The following PTBP3 variants were observed in gnomAD, a reference collection of about 807,000 sequenced individuals.
PTBP3 encodes the protein polypyrimidine tract-binding protein 3.
Under a neutral mutation model 58.7 loss-of-function variants are expected in PTBP3, and 20 were observed. The observed-to-expected ratio is 0.34, with a 90% confidence interval of 0.24 to 0.50. PTBP3 has a LOEUF of 0.50. Among genes scored for constraint, PTBP3 ranks in the 20% least tolerant of loss-of-function variants. The probability of loss-of-function intolerance (pLI) is 0.98; values close to 1 mark genes in which losing one functional copy is unlikely to be tolerated. For synonymous variants in PTBP3, 185 were observed against 219.8 expected (o/e 0.84, Z 1.40); for missense variants, 509 against 637.2 (o/e 0.80, Z 2.17).
intron 3 of PTBP3, among the ~76,000 whole-genome samples, chr9:112,270,544 A>G (rs1034366192): frequency 7.1e-6 from 1 of 141,492 alleles, no homozygotes; most frequent in African/African-American, 3.0e-5. Context: ...GTTTCCCAAG[A>G]TAAGAATCAT....
chr9:112,243,243 A>G (rs1835734202), intron 7 of PTBP3, among the ~76,000 whole-genome samples: 1 of 152,150 alleles, frequency 6.6e-6, no homozygotes, highest in Non-Finnish European at 1.5e-5. Context: ...AAAAAGAATT[A>G]AAGTCCCAGG....
At chr9:112,277,946 T>TAACATAAC (rs1564427648) in intron 2 of PTBP3, among the ~76,000 whole-genome samples, 12 of 58,170 alleles carry the variant, frequency 2.1e-4, no homozygotes, top group East Asian at 4.3e-4. Context: ...CATAACATAA[T>TAACATAAC]ATAACATAAC....
In PTBP3 at chr9:112,278,209, T is replaced by C. The variant is rs758171825; in HGVS notation, c.35-2196A>G. Among the ~76,000 whole-genome samples, 3 of 152,152 alleles carry C rather than the reference T, an allele frequency of 2.0e-5. No homozygotes were observed. The East Asian group carries it at 5.8e-4, about 29-fold the overall frequency. ...TACTCCTAGAAAAAGGTAAGTGACT[T>C]GACACTGACAATGTAAATTTACAAA... On this transcript the variant is annotated intron_variant, in intron 2 of 13. Coordinates refer to ENST00000374257, the MANE Select transcript of PTBP3 (RefSeq NM_001163788.4).
In PTBP3 at chr9:112,222,252, T is replaced by C. The variant is rs1458451907; in HGVS notation, c.*1599A>G. Reference sequence around the variant, plus strand: ...GAAGAAATAATAGCAAAGTTTCTTATTAAAAAGAAACAATTTTACATTATA... The same window carrying C: ...GAAGAAATAATAGCAAAGTTTCTTACTAAAAAGAAACAATTTTACATTATA... On this transcript the variant is annotated 3_prime_UTR_variant, in exon 14 of 14. Transcript: ENST00000374257. 5.1e-6 allele frequency: 5 copies of C among 974,914 alleles called. No individual in the cohort carries two copies. The African/African-American group carries it at 7.0e-5, about 14-fold the overall frequency. 60.4% of individuals were successfully genotyped at this position (974,914 alleles called of 1,614,324 possible). A position where few individuals can be genotyped will look rare whatever the true frequency, so the allele number is the denominator to read the frequency against.
At chr9:112,240,501 TA>T (rs1265459714) in intron 7 of PTBP3, among the ~76,000 whole-genome samples, 1 of 152,092 alleles carries the variant, frequency 6.6e-6, no homozygotes, top group East Asian at 1.9e-4. Context: ...TAAAACTCTA[TA>T]AAAGTACAGA....
At chr9:112,376,689 G>C in the PTBP3 span, among the ~76,000 whole-genome samples, 2 of 152,142 alleles carry the variant, frequency 1.3e-5, no homozygotes, top group Non-Finnish European at 2.9e-5. Context: ...AAACGCACAG[G>C]AGAAGGATGT....
chr9:112,231,350 A>G (rs1184440626), intron 10 of PTBP3, 30 bp downstream of exon 10: 1 of 1,544,526 alleles, frequency 6.5e-7, no homozygotes, highest in Admixed American at 1.8e-5. Flanking sequence ...ACACCTGTAG[A>G]CAATAATAAA....
At chr9:112,272,128 T>C (rs756757534) in intron 3 of PTBP3, among the ~76,000 whole-genome samples, 22 of 152,112 alleles carry the variant, frequency 1.4e-4, no homozygotes, top group African/African-American at 4.1e-4. Context: ...AGTGGCGTGA[T>C]CTCAGCTCAC....
In PTBP3 at chr9:112,297,935, G is replaced by A; in HGVS notation, c.-51-19C>T. On this transcript the variant is annotated intron_variant, in intron 1 of 13. Coordinates refer to ENST00000374257, the MANE Select transcript of PTBP3 (RefSeq NM_001163788.4). Reference sequence around the variant, plus strand: ...ATCCCCGCTGAAAAGCAAAACCAATGTTTGGTTAATAAACCAAGTTTTAGA... The same window carrying A: ...ATCCCCGCTGAAAAGCAAAACCAATATTTGGTTAATAAACCAAGTTTTAGA... 1 of 1,589,762 alleles carries A rather than the reference G, an allele frequency of 6.3e-7. No individual in the cohort carries two copies.
chr9:112,261,702 T>C (rs1043714986), intron 5 of PTBP3, among the ~76,000 whole-genome samples: 1 of 152,250 alleles, frequency 6.6e-6, no homozygotes, highest in Non-Finnish European at 1.5e-5. Flanking sequence ...CAGATAACTG[T>C]ATATTACATT....
rs547702959 is a variant in PTBP3 at position 112,286,474 on chromosome 9, C to G, written c.35-10461G>C. On this transcript the variant is annotated intron_variant, in intron 2 of 13. Transcript: ENST00000374257. ...CTTTTTACTTTTTTTTAAGTGACTC[C>G]TGTGGAGTAGACAATATACATCTTT... Among the ~76,000 whole-genome samples, 22 of 151,794 alleles carry G rather than the reference C, an allele frequency of 1.4e-4. No homozygotes were observed. The East Asian group carries it at 3.9e-3, about 27-fold the overall frequency.
intron 12 of PTBP3, among the ~76,000 whole-genome samples, chr9:112,224,582 G>A (rs1834912432): frequency 6.6e-6 from 1 of 152,160 alleles, no homozygotes. Context: ...GTCTGCTACA[G>A]TCTGGAGTTC....
At chr9:112,254,267 T>C (rs1261745346) in intron 5 of PTBP3, among the ~76,000 whole-genome samples, 1 of 152,208 alleles carries the variant, frequency 6.6e-6, no homozygotes, top group Non-Finnish European at 1.5e-5. Context: ...ATTACAGGTG[T>C]GAGCCACCAT....
intron 2 of PTBP3, among the ~76,000 whole-genome samples, chr9:112,287,011 C>A (rs913704271): frequency 6.6e-6 from 1 of 151,984 alleles, no homozygotes; most frequent in Non-Finnish European, 1.5e-5. Flanking sequence ...AAAGTGGTCC[C>A]CCCTCATCCG....
chr9:112,367,167 T>C, the PTBP3 span, among the ~76,000 whole-genome samples: 1 of 152,220 alleles, frequency 6.6e-6, no homozygotes, highest in South Asian at 2.1e-4. Flanking sequence ...ACAATTTGTA[T>C]GTTGTCTATC....
chr9:112,372,233 T>C, the PTBP3 span, among the ~76,000 whole-genome samples: 1 of 152,106 alleles, frequency 6.6e-6, no homozygotes, highest in East Asian at 1.9e-4. Flanking sequence ...CATGTCACCA[T>C]GTCCAGCTAA....
At chr9:112,315,892 T>G (rs2132413735) in intron 1 of PTBP3, among the ~76,000 whole-genome samples, 1 of 152,342 alleles carries the variant, frequency 6.6e-6, no homozygotes, top group East Asian at 1.9e-4. Context: ...TCCTTCCTTC[T>G]ACTTTCTTGG....
At chr9:112,378,974 G>C in the PTBP3 span, among the ~76,000 whole-genome samples, 2 of 152,204 alleles carry the variant, frequency 1.3e-5, no homozygotes, top group African/African-American at 4.8e-5. Context: ...ATCATTTGAG[G>C]TCAGGAGCTC....
At chr9:112,361,394 C>T in the PTBP3 span, among the ~76,000 whole-genome samples, 1 of 152,058 alleles carries the variant, frequency 6.6e-6, no homozygotes, top group Non-Finnish European at 1.5e-5. Context: ...CCATGGCACC[C>T]AGCCTAAACT....
Sources: gnomAD v4.1 joint callset for allele counts (sites outside exome capture counted in the v4.1 genomes callset) on GRCh38, gnomAD v4.1.1 for gene constraint, MANE v1.5 for transcripts, NCBI Gene and HGNC (gene_info 2026-07-23, HGNC 2026-07-21) for gene names.